Variants in PLCXD3 observed in about 807,000 individuals in gnomAD.
PLCXD3 encodes PI-PLC X domain-containing protein 3.
Under a neutral mutation model 25.5 loss-of-function variants are expected in PLCXD3, and 19 were observed. The ratio of observed to expected loss-of-function variants is 0.75; its 90% CI spans 0.52 to 1.09. PLCXD3 has a LOEUF of 1.09. Among genes scored for constraint, PLCXD3 ranks in the 50% least tolerant of loss-of-function variants. The pLI is 0.00. For synonymous variants in PLCXD3, 174 were observed against 137.6 expected (o/e 1.26, Z -1.85); for missense variants, 411 against 388.1 (o/e 1.06, Z -0.50).
intron 1 of PLCXD3, among the ~76,000 whole-genome samples, chr5:41,435,121 A>G (rs1051089928): frequency 6.6e-6 from 1 of 152,200 alleles, no homozygotes; most frequent in African/African-American, 2.4e-5. Flanking sequence ...ACAAAGGCAC[A>G]AAGGATTTTA....
chr5:41,470,252 A>G (rs559318686), intron 1 of PLCXD3, among the ~76,000 whole-genome samples: 2 of 152,228 alleles, frequency 1.3e-5, no homozygotes, highest in African/African-American at 4.8e-5. Flanking sequence ...TGAAACATAA[A>G]GAGTAGATGA....
chr5:41,502,903 G>A (rs1748981588), intron 1 of PLCXD3, among the ~76,000 whole-genome samples: 1 of 152,178 alleles, frequency 6.6e-6, no homozygotes, highest in Non-Finnish European at 1.5e-5. Flanking sequence ...GGGTGATGAA[G>A]ACTAAACAAA....
At position 41,313,389 on chromosome 5, in the gene PLCXD3, T is replaced by C; in HGVS notation, c.*228A>G. On this transcript the variant is annotated 3_prime_UTR_variant, in exon 3 of 3. Transcript: ENST00000377801. The stretch of plus-strand genomic sequence containing the variant: ...GTTACTGGTCTTTTTTTTTTATTCC[T>C]AACACTAGAAGTAGATTTTGCTCAT... The C allele has an allele frequency of 2.2e-6, 1 of 461,768 alleles. No homozygotes were observed. The highest frequency in any genetic ancestry group is 4.0e-5 in the Admixed American group (1 of 25,066). The allele number at this position is 461,768 out of a possible 1,614,324, so 28.6% of individuals were successfully genotyped here.
intron 1 of PLCXD3, among the ~76,000 whole-genome samples, chr5:41,414,882 T>C (rs762665566): frequency 4.1e-4 from 63 of 152,360 alleles, no homozygotes; most frequent in Non-Finnish European, 7.9e-4. Flanking sequence ...AAGGTGTCAC[T>C]GGGCTTGTGT....
chr5:41,359,315 G>T (rs1406993928), intron 2 of PLCXD3, among the ~76,000 whole-genome samples: 1 of 152,116 alleles, frequency 6.6e-6, no homozygotes, highest in Non-Finnish European at 1.5e-5. Context: ...TTGAATGTCT[G>T]AGAGAATTCA....
chr5:41,412,614 T>C (rs1746587341), intron 1 of PLCXD3, among the ~76,000 whole-genome samples: 1 of 152,234 alleles, frequency 6.6e-6, no homozygotes, highest in Non-Finnish European at 1.5e-5. Context: ...AATCACATAC[T>C]GTTTTCAGTC....
rs1418686428 is a variant in PLCXD3, at chr5:41,309,847, A to T, written c.*3770T>A. 1 of 152,062 alleles carries T rather than the reference A, an allele frequency of 6.6e-6. No homozygotes were observed. The highest frequency in any genetic ancestry group is 6.6e-5 in the Admixed American group (1 of 15,252). 9.4% of individuals were successfully genotyped at this position (152,062 alleles called of 1,614,324 possible). On this transcript the variant is annotated 3_prime_UTR_variant, in exon 3 of 3. Transcript: ENST00000377801. Reference sequence around the variant, plus strand: ...TGGCCTCACTTTTCATTGGTTTTCTAGTTACTTTTCTCCTCTTAAATATTT... The same window carrying T: ...TGGCCTCACTTTTCATTGGTTTTCTTGTTACTTTTCTCCTCTTAAATATTT...
At chr5:41,500,892 T>C (rs528898511) in intron 1 of PLCXD3, among the ~76,000 whole-genome samples, 1 of 151,932 alleles carries the variant, frequency 6.6e-6, no homozygotes, top group African/African-American at 2.4e-5. Context: ...ATTAAAACTA[T>C]ACAAAGAACA....
chr5:41,510,292 T>G, intron 1 of PLCXD3, 132 bp downstream of exon 1: 2 of 816,980 alleles, frequency 2.4e-6, no homozygotes, highest in Non-Finnish European at 3.9e-6. Flanking sequence ...TCGCCTGGCC[T>G]GAGACCCACC....
chr5:41,508,139 T>G (rs958152244), intron 1 of PLCXD3, among the ~76,000 whole-genome samples: 3 of 152,206 alleles, frequency 2.0e-5, no homozygotes, highest in African/African-American at 7.2e-5. Context: ...GAGATCCATT[T>G]GAGTATAATA....
intron 1 of PLCXD3, among the ~76,000 whole-genome samples, chr5:41,444,056 T>C (rs1257743393): frequency 6.6e-6 from 1 of 152,222 alleles, no homozygotes. Flanking sequence ...GTGTTTTTTT[T>C]CTCACCTCTA....
At chr5:41,350,067 C>T (rs911075566) in intron 2 of PLCXD3, among the ~76,000 whole-genome samples, 3 of 152,084 alleles carry the variant, frequency 2.0e-5, no homozygotes, top group Non-Finnish European at 4.4e-5. Flanking sequence ...AGACCTCTCT[C>T]ACACCTCCTG....
At chr5:41,367,834 G>T (rs1032096469) in intron 2 of PLCXD3, among the ~76,000 whole-genome samples, 3 of 152,092 alleles carry the variant, frequency 2.0e-5, no homozygotes, top group Non-Finnish European at 4.4e-5. Flanking sequence ...TAAAGAAGGG[G>T]TGTAGTTTCA....
chr5:41,384,176 T>C (rs1476859066), intron 1 of PLCXD3, among the ~76,000 whole-genome samples: 1 of 152,104 alleles, frequency 6.6e-6, no homozygotes, highest in Non-Finnish European at 1.5e-5. Context: ...TTATCTTTAG[T>C]AGATGGTGTG....
intron 1 of PLCXD3, among the ~76,000 whole-genome samples, chr5:41,389,762 A>G (rs1297454485): frequency 6.6e-6 from 1 of 152,206 alleles, no homozygotes; most frequent in Non-Finnish European, 1.5e-5. Flanking sequence ...CTAAATTTCT[A>G]AAAATATACA....
intron 1 of PLCXD3, among the ~76,000 whole-genome samples, chr5:41,421,477 T>G (rs769186161): frequency 2.6e-5 from 4 of 151,766 alleles, no homozygotes; most frequent in Non-Finnish European, 5.9e-5. Flanking sequence ...CGAGGCGGGC[T>G]GATCACAAGG....
At chr5:41,502,379 G>GTGTGTA (rs1318000303) in intron 1 of PLCXD3, among the ~76,000 whole-genome samples, 3 of 152,170 alleles carry the variant, frequency 2.0e-5, no homozygotes, top group South Asian at 2.1e-4. Flanking sequence ...TTATGTGTCT[G>GTGTGTA]TGTGTATGTG....
intron 1 of PLCXD3, among the ~76,000 whole-genome samples, chr5:41,441,795 A>G (rs1158427855): frequency 6.6e-6 from 1 of 152,236 alleles, no homozygotes; most frequent in Non-Finnish European, 1.5e-5. Context: ...CCCTGCCTAT[A>G]GAATGAAAAT....
At chr5:41,324,376 A>G (rs190134501) in intron 2 of PLCXD3, among the ~76,000 whole-genome samples, 1 of 152,254 alleles carries the variant, frequency 6.6e-6, no homozygotes, top group East Asian at 1.9e-4. Flanking sequence ...AGCTACACTA[A>G]TCCCCGGCTA....
Sources: allele counts gnomAD v4.1 joint callset (sites outside exome capture counted in the v4.1 genomes callset), GRCh38; gene constraint gnomAD v4.1.1; transcripts MANE v1.5; gene names NCBI Gene and HGNC (gene_info 2026-07-23, HGNC 2026-07-21).